The following GTSE1 variants were observed in gnomAD, a reference collection of about 807,000 sequenced individuals.
GTSE1 encodes G2 and S phase-expressed protein 1.
GTSE1 carries 52 observed loss-of-function variants against 60.5 expected under a neutral mutation model. The observed-to-expected ratio is 0.86, with a 90% CI of 0.69 to 1.08. The LOEUF (loss-of-function observed/expected upper bound fraction) is 1.08. GTSE1 is among the 50% of genes least tolerant of loss of function. The pLI is 0.00. For missense variants in GTSE1, 937 were observed against 961.8 expected, an observed-to-expected ratio of 0.97 and a Z score of 0.34; for synonymous variants, 368 against 386.5, an observed-to-expected ratio of 0.95 and a Z score of 0.56.
chr22:46,306,865 G>A (rs1312880784), intron 2 of GTSE1, among the ~76,000 whole-genome samples: 1 of 152,210 alleles, frequency 6.6e-6, no homozygotes, highest in Non-Finnish European at 1.5e-5. Context: ...CTGTATTTCA[G>A]TGCATTTTGA....
At position 46,328,743 on chromosome 22, in the gene GTSE1, T is replaced by TC; in HGVS notation, c.1784dup (p.Asp596Ter). ...GACAGATTCCAGGCTGGTGGATGTG[T>TC]CCCCTGACAGGGGTTCTCCTCCTTC... On this transcript the variant is annotated frameshift_variant, in exon 10 of 12. Coordinates refer to ENST00000454366, the MANE Select transcript of GTSE1 (RefSeq NM_016426.7). LOFTEE classifies it high-confidence loss of function. The TC allele has an allele frequency of 6.2e-7, 1 of 1,613,938 alleles. No individual in the cohort carries two copies.
rs547666738 is a variant in GTSE1, at chr22:46,318,570, C to T, written c.1432+2158C>T. On this transcript the variant is annotated intron_variant, in intron 7 of 11. Coordinates refer to ENST00000454366, the MANE Select transcript of GTSE1 (RefSeq NM_016426.7). The surrounding 1 kb of genome is among the most constrained non-coding windows in gnomAD (Gnocchi z 4.8). ...GGCATGTTTGGGGAGGAATTTGCAT[C>T]GGGTGGTTCTTTGGCAAAGATGGTC... Among the ~76,000 whole-genome samples the T allele has an allele frequency of 6.6e-5, 10 of 152,166 alleles. No individual in the cohort carries two copies. The highest frequency in any genetic ancestry group is 1.0e-4 in the Non-Finnish European group (7 of 68,020).
In GTSE1 at chr22:46,326,493, G is replaced by C. The variant is rs966489017; in HGVS notation, c.1563G>C (p.Leu521=). 12 of 1,614,024 alleles carry C rather than the reference G, an allele frequency of 7.4e-6. No individual in the cohort carries two copies. Among genetic ancestry groups the C allele is most frequent in the Non-Finnish European group, 9.3e-6 (11 of 1,179,886 alleles). Residue 521 remains leucine, a synonymous_variant, in exon 9 of 12, where the codon CTG becomes CTC. Coordinates refer to ENST00000454366, the MANE Select transcript of GTSE1 (RefSeq NM_016426.7). ...RRSSGPAPQS[L]LSAWRVSALP... ...CATCTGGGCCAGCACCACAAAGCCT[G>C]CTGAGCGCATGGCGTGTGTCAGCCT...
chr22:46,317,309 C>T lies in GTSE1; in HGVS notation c.1432+897C>T, dbSNP rs944900405. 2.6e-5 allele frequency among the ~76,000 whole-genome samples: 4 copies of T among 152,092 alleles called. No homozygotes were observed. The highest frequency in any genetic ancestry group is 9.7e-5 in the African/African-American group (4 of 41,424). ...CTACAGTTTGGGTAGTTTCTGTTGT[C>T]AGATATCATTTCTTCTGCAGTGCCT... On this transcript the variant is annotated intron_variant, in intron 7 of 11. Transcript: ENST00000454366. The surrounding 1 kb of genome is among the most constrained non-coding windows in gnomAD (Gnocchi z 5.6).
In GTSE1 at chr22:46,309,774, C is replaced by A. The variant is rs114118276; in HGVS notation, c.762+831C>A. ...ACTGCCCTTGACAAGGAGGTATGCC[C>A]GGCACTGCCACCCCCAACAGCTGGG... On this transcript the variant is annotated intron_variant, in intron 4 of 11. Coordinates refer to ENST00000454366, the MANE Select transcript of GTSE1 (RefSeq NM_016426.7). This position sits in a 1 kb window ranked among gnomAD's most constrained non-coding sequence, Gnocchi z 6.2. Among the ~76,000 whole-genome samples, 1 of 152,148 alleles carries A rather than the reference C, an allele frequency of 6.6e-6. No individual in the cohort carries two copies. Among genetic ancestry groups the A allele is most frequent in the African/African-American group, 2.4e-5 (1 of 41,412 alleles).
Position 46,301,737 on chromosome 22 carries a change from C to T in GTSE1, c.79+4258C>T, listed in dbSNP as rs2077690541. The stretch of plus-strand genomic sequence containing the variant: ...CTCCTGACCTCAGGTGATCCACCCG[C>T]CTCGACCTTCCAAAGTGCTGGGATT... On this transcript the variant is annotated intron_variant, in intron 2 of 11. Transcript: ENST00000454366. Among the ~76,000 whole-genome samples, 6 of 152,196 alleles carry T rather than the reference C, an allele frequency of 3.9e-5. No individual in the cohort carries two copies. In the South Asian group the frequency reaches 1.2e-3, roughly 32 times the overall value.
Position 46,324,659 on chromosome 22 carries a change from G to A in GTSE1, c.1505+1397G>A, listed in dbSNP as rs1216367726. ...TGGGATTACAGGTGTGAGCCACCGCGCCTGGCCGGAATTTTTATTTTCACT... is the reference window on the plus strand; with the variant it reads ...TGGGATTACAGGTGTGAGCCACCGCACCTGGCCGGAATTTTTATTTTCACT... On this transcript the variant is annotated intron_variant, in intron 8 of 11. Transcript: ENST00000454366. This position sits in a 1 kb window ranked among gnomAD's most constrained non-coding sequence, Gnocchi z 5.2. Among the ~76,000 whole-genome samples the A allele has an allele frequency of 2.0e-5, 3 of 152,134 alleles. No homozygotes were observed. The highest frequency in any genetic ancestry group is 7.2e-5 in the African/African-American group (3 of 41,428).
intron 2 of GTSE1, among the ~76,000 whole-genome samples, chr22:46,300,880 T>C (rs956418406): frequency 6.6e-6 from 1 of 152,172 alleles, no homozygotes; most frequent in African/African-American, 2.4e-5. Flanking sequence ...TCTATATCTC[T>C]AAGTCACCTA....
rs1211797398 is a variant in GTSE1 at position 46,314,180 on chromosome 22, C to A, written c.1051+167C>A. ...GCTGTGGACTGAGTTGCTGTACCTG[C>A]CCTCAGTGCCTCTGTCCCATGAGGA... On this transcript the variant is annotated intron_variant, in intron 6 of 11. Coordinates refer to ENST00000454366, the MANE Select transcript of GTSE1 (RefSeq NM_016426.7). This position sits in a 1 kb window ranked among gnomAD's most constrained non-coding sequence, Gnocchi z 7.1. Among the ~76,000 whole-genome samples the A allele has an allele frequency of 1.3e-5, 2 of 152,178 alleles. No individual in the cohort carries two copies. Among genetic ancestry groups the A allele is most frequent in the Non-Finnish European group, 2.9e-5 (2 of 68,030 alleles).
At chr22:46,325,100 G>C (rs1299332232) in intron 8 of GTSE1, among the ~76,000 whole-genome samples, 1 of 152,248 alleles carries the variant, frequency 6.6e-6, no homozygotes, top group East Asian at 1.9e-4. Flanking sequence ...GGCACCTGCA[G>C]ATTTGGTGTC....
chr22:46,312,177 A>G lies in GTSE1; in HGVS notation c.799A>G (p.Lys267Glu), dbSNP rs965225223. ...KEIPASPSRTKIPAEKESHRD... is the reference protein window; with the variant it reads ...KEIPASPSRTEIPAEKESHRD... ...GATTCCAGCTAGTCCTTCCAGGACA[A>G]AAATCCCAGCTGAGAAGGAATCCCA... The change falls in exon 5 of 12, where the codon AAA becomes GAA. Residue 267 changes from lysine to glutamate, a missense_variant. Lys to Glu is a moderately conservative substitution (Grantham distance 56, BLOSUM62 1). Transcript: ENST00000454366. 3 of 1,613,948 alleles carry G rather than the reference A, an allele frequency of 1.9e-6. No individual in the cohort carries two copies. Among genetic ancestry groups the G allele is most frequent in the Non-Finnish European group, 1.7e-6 (2 of 1,179,968 alleles).
rs2077735489 is a variant in GTSE1 at position 46,309,338 on chromosome 22, G to C, written c.762+395G>C. The stretch of plus-strand genomic sequence containing the variant: ...TCCTCCTGGGCACTGAGTGAGGTGA[G>C]CTTTCCTGGGAGGTGGCAGTTGACA... On this transcript the variant is annotated intron_variant, in intron 4 of 11. Transcript: ENST00000454366. The surrounding 1 kb of genome is among the most constrained non-coding windows in gnomAD (Gnocchi z 6.2). Among the ~76,000 whole-genome samples the C allele has an allele frequency of 6.6e-6, 1 of 152,214 alleles. No homozygotes were observed. The highest frequency in any genetic ancestry group is 2.4e-5 in the African/African-American group (1 of 41,448).
At position 46,313,229 on chromosome 22, in the gene GTSE1, A is replaced by G. The variant is rs923785869; in HGVS notation, c.928-661A>G. ...GCGGTTCCTCACAGGCATGGAGACT[A>G]CCAGCCACATCTTTGCCACTTATTT... On this transcript the variant is annotated intron_variant, in intron 5 of 11. Coordinates refer to ENST00000454366, the MANE Select transcript of GTSE1 (RefSeq NM_016426.7). The surrounding 1 kb of genome is among the most constrained non-coding windows in gnomAD (Gnocchi z 4.4). 1.3e-5 allele frequency among the ~76,000 whole-genome samples: 2 copies of G among 151,568 alleles called. No individual in the cohort carries two copies. Among genetic ancestry groups the G allele is most frequent in the Non-Finnish European group, 2.9e-5 (2 of 67,934 alleles).
chr22:46,302,895 CTTTTTT>C (rs34051708), intron 2 of GTSE1, among the ~76,000 whole-genome samples: 1 of 131,386 alleles, frequency 7.6e-6, no homozygotes, highest in South Asian at 2.4e-4. Flanking sequence ...CACTTTCCCT[CTTTTTT>C]TTTTTTTTTT....
rs2077789810 is a variant in GTSE1 at position 46,317,800 on chromosome 22, C to T, written c.1432+1388C>T. Among the ~76,000 whole-genome samples the T allele has an allele frequency of 6.6e-6, 1 of 152,252 alleles. No homozygotes were observed. The highest frequency in any genetic ancestry group is 1.5e-5 in the Non-Finnish European group (1 of 68,044). On this transcript the variant is annotated intron_variant, in intron 7 of 11. Transcript: ENST00000454366. This position sits in a 1 kb window ranked among gnomAD's most constrained non-coding sequence, Gnocchi z 5.6. ...GTGTCCCGCAAGGCCCGCGAGACCC[C>T]TGCACTCCTGCTGCTGCAAGATGAC...
At chr22:46,312,338 T>TGCTGGG in intron 5 of GTSE1, 33 bp downstream of exon 5, 1 of 1,587,028 alleles carries the variant, frequency 6.3e-7, no homozygotes, top group South Asian at 1.1e-5. Context: ...AACTTGTGGT[T>TGCTGGG]GCTGGGAATG....
At position 46,321,339 on chromosome 22, in the gene GTSE1, G is replaced by A. The variant is rs577736892; in HGVS notation, c.1433-1851G>A. Among the ~76,000 whole-genome samples the A allele has an allele frequency of 2.0e-5, 3 of 152,342 alleles. No individual in the cohort carries two copies. The South Asian group carries it at 6.2e-4, about 32-fold the overall frequency. On this transcript the variant is annotated intron_variant, in intron 7 of 11. Transcript: ENST00000454366. The surrounding 1 kb of genome is among the most constrained non-coding windows in gnomAD (Gnocchi z 4.0). ...AGATTACTTGAACCCAGGAGTTCAA[G>A]GCTGCAGTGAGCAGTGATCAAGCCA...
Position 46,314,941 on chromosome 22 carries a change from G to A in GTSE1, c.1051+928G>A, listed in dbSNP as rs2077770403. Reference sequence around the variant, plus strand: ...CTCTGCCATTCTGTGATTAAGAGAGGTTTGTGTCCTTATCTTTATAGACTG... The same window carrying A: ...CTCTGCCATTCTGTGATTAAGAGAGATTTGTGTCCTTATCTTTATAGACTG... On this transcript the variant is annotated intron_variant, in intron 6 of 11. Coordinates refer to ENST00000454366, the MANE Select transcript of GTSE1 (RefSeq NM_016426.7). The surrounding 1 kb of genome is among the most constrained non-coding windows in gnomAD (Gnocchi z 7.1). 6.6e-6 allele frequency among the ~76,000 whole-genome samples: 1 copy of A among 151,956 alleles called. No homozygotes were observed. Among genetic ancestry groups the A allele is most frequent in the South Asian group, 2.1e-4 (1 of 4,798 alleles).
chr22:46,315,912 A>G, intron 6 of GTSE1, 120 bp from the exon 7 acceptor site: 1 of 795,644 alleles, frequency 1.3e-6, no homozygotes, highest in Non-Finnish European at 2.0e-6. Context: ...GGGCTTATAG[A>G]ATATTGTTAA....
Sources: gnomAD v4.1 joint callset for allele counts (sites outside exome capture counted in the v4.1 genomes callset) on GRCh38, gnomAD v4.1.1 for gene constraint, Gnocchi (gnomAD v3.1) non-coding constraint, MANE v1.5 for transcripts, NCBI Gene and HGNC (gene_info 2026-07-23, HGNC 2026-07-21) for gene names.